Variants in BCL2L13 observed in about 807,000 individuals in gnomAD.
The protein encoded by BCL2L13 is BCL2 like 13.
A neutral mutation model predicts 25.8 loss-of-function variants in BCL2L13; 13 were observed. The ratio of observed to expected loss-of-function variants is 0.50; its 90% CI spans 0.33 to 0.80. The LOEUF (loss-of-function observed/expected upper bound fraction) is 0.80, where lower values mean the gene tolerates loss of function less well. BCL2L13 is among the 30% of genes least tolerant of loss of function. The pLI, the probability that BCL2L13 is intolerant of heterozygous loss-of-function variation, is 0.02. For missense variants in BCL2L13, 504 were observed against 574.9 expected (o/e 0.88, Z 1.26); for synonymous variants, 244 against 230.3 (o/e 1.06, Z -0.54).
At chr22:17,656,293 T>C (rs79653116) in intron 2 of BCL2L13, among the ~76,000 whole-genome samples, 3 of 149,838 alleles carry the variant, frequency 2.0e-5, no homozygotes, top group African/African-American at 7.3e-5. Context: ...ATTCTTTCCA[T>C]TTCCAGAAGC....
At chr22:17,646,405 C>T (rs745427324) in intron 1 of BCL2L13, among the ~76,000 whole-genome samples, 25 of 151,174 alleles carry the variant, frequency 1.7e-4, no homozygotes, top group Non-Finnish European at 3.1e-4. Context: ...CATGCCACCA[C>T]GCCAGGCTAA....
intron 6 of BCL2L13, among the ~76,000 whole-genome samples, chr22:17,713,501 G>A (rs192854041): frequency 2.9e-5 from 4 of 138,166 alleles, no homozygotes; most frequent in East Asian, 2.2e-4. Context: ...TCGCTCTGTC[G>A]CCCAGGCAGG....
chr22:17,686,515 T>TCC (rs1334431122), intron 3 of BCL2L13, among the ~76,000 whole-genome samples: 1 of 99,752 alleles, frequency 1.0e-5, no homozygotes, highest in African/African-American at 3.5e-5. Context: ...TTCTTTTTTT[T>TCC]TCTTTTTTTT....
At chr22:17,673,135 A>C (rs1025256860) in intron 2 of BCL2L13, among the ~76,000 whole-genome samples, 1 of 152,166 alleles carries the variant, frequency 6.6e-6, no homozygotes, top group African/African-American at 2.4e-5. Flanking sequence ...TAGACTTGAC[A>C]GCCTTTACAG....
chr22:17,691,998 A>T (rs927992118), intron 4 of BCL2L13, among the ~76,000 whole-genome samples: 1 of 152,220 alleles, frequency 6.6e-6, no homozygotes, highest in Non-Finnish European at 1.5e-5. Flanking sequence ...AGAAGTTTTA[A>T]GCTCTGTTAC....
intron 2 of BCL2L13, among the ~76,000 whole-genome samples, chr22:17,660,611 G>C (rs1236941816): frequency 6.9e-6 from 1 of 145,322 alleles, no homozygotes; most frequent in Admixed American, 6.9e-5. Flanking sequence ...TTTTCGTAGA[G>C]ATCAGGATTT....
rs199938014 is a variant in BCL2L13, at chr22:17,726,764, G to T, written c.688G>T (p.Asp230Tyr). The T allele has an allele frequency of 6.2e-7, 1 of 1,614,190 alleles. No homozygotes were observed. Reference sequence around the variant, plus strand: ...CAATGACATTTACATCCTGCCCAGCGACAACTCTGGACAAGTCAGTCCCCC... The same window carrying T: ...CAATGACATTTACATCCTGCCCAGCTACAACTCTGGACAAGTCAGTCCCCC... ...DSNDIYILPS[D>Y]NSGQVSPPES... Residue 230 changes from aspartate to tyrosine, a missense_variant, in exon 7 of 7, where the codon GAC becomes TAC. Physicochemically the swap from Asp to Tyr is radical, Grantham distance 160. Coordinates refer to ENST00000317582, the MANE Select transcript of BCL2L13 (RefSeq NM_015367.4).
intron 2 of BCL2L13, among the ~76,000 whole-genome samples, chr22:17,660,925 C>T (rs2059044329): frequency 6.9e-6 from 1 of 144,804 alleles, no homozygotes; most frequent in South Asian, 2.2e-4. Flanking sequence ...GCTGGGACTA[C>T]AGACGCATGC....
chr22:17,714,300 AAATTAGCCAGGTGT>A (rs2060850861), intron 6 of BCL2L13, among the ~76,000 whole-genome samples: 1 of 151,936 alleles, frequency 6.6e-6, no homozygotes, highest in Admixed American at 6.6e-5. Context: ...CTCAAAAAAA[AAATTAGCCAGGTGT>A]GATGGCGCAC....
At chr22:17,706,635 T>G in intron 6 of BCL2L13, 1 of 1,250,920 alleles carries the variant, frequency 8.0e-7, no homozygotes, top group Non-Finnish European at 1.0e-6. Flanking sequence ...TGATCACCAT[T>G]TCCTCTTAGT....
At chr22:17,635,313 G>A (rs1176429469), upstream of BCL2L13, among the ~76,000 whole-genome samples, 8 of 151,950 alleles carry the variant, frequency 5.3e-5, no homozygotes, top group Admixed American at 2.0e-4. Flanking sequence ...TCAGGCGGGC[G>A]GATCACAAGG....
upstream of BCL2L13, chr22:17,638,731 T>C (rs1264757705): frequency 1.6e-6 from 2 of 1,231,638 alleles, no homozygotes; most frequent in Non-Finnish European, 2.0e-6. Context: ...ACGCCGGCCG[T>C]GACGAAGGCA....
intron 5 of BCL2L13, among the ~76,000 whole-genome samples, chr22:17,697,100 C>T (rs2060287129): frequency 6.6e-6 from 1 of 151,502 alleles, no homozygotes; most frequent in Non-Finnish European, 1.5e-5. Context: ...TTTAGCTTTG[C>T]CATGGACTGG....
chr22:17,688,863 G>C, intron 3 of BCL2L13, 123 bp from the exon 4 acceptor site: 1 of 906,882 alleles, frequency 1.1e-6, no homozygotes. Flanking sequence ...TGCCTCCTGG[G>C]TTCAAGTGAT....
intron 1 of BCL2L13, among the ~76,000 whole-genome samples, chr22:17,651,380 TA>T (rs2058679805): frequency 1.3e-5 from 2 of 151,442 alleles, no homozygotes; most frequent in African/African-American, 4.9e-5. Context: ...TTTATTTATT[TA>T]TTTATTTATT....
intron 2 of BCL2L13, among the ~76,000 whole-genome samples, chr22:17,660,398 G>A (rs1295955399): frequency 6.9e-6 from 1 of 145,824 alleles, no homozygotes; most frequent in African/African-American, 2.4e-5. Context: ...TGATCAGATT[G>A]GTTTATTTCT....
intron 6 of BCL2L13, chr22:17,703,501 G>T (rs947712458): frequency 1.3e-5 from 2 of 152,078 alleles, no homozygotes; most frequent in Admixed American, 1.3e-4. Context: ...GCCTAGAAAT[G>T]GTTTTTAAGT....
At chr22:17,714,893 C>T (rs2060869764) in intron 6 of BCL2L13, among the ~76,000 whole-genome samples, 1 of 151,568 alleles carries the variant, frequency 6.6e-6, no homozygotes, top group Non-Finnish European at 1.5e-5. Flanking sequence ...GTGGCTCATG[C>T]CTATAATCCC....
At chr22:17,646,511 AGTGCTGGGATTACAGGCAT>A in intron 1 of BCL2L13, among the ~76,000 whole-genome samples, 1 of 151,096 alleles carries the variant, frequency 6.6e-6, no homozygotes, top group African/African-American at 2.5e-5. Context: ...ACCCTCCCAA[AGTGCTGGGATTACAGGCAT>A]GAGCCACTGC....
Sources: gnomAD v4.1 joint callset for allele counts (sites outside exome capture counted in the v4.1 genomes callset) on GRCh38, gnomAD v4.1.1 for gene constraint, MANE v1.5 for transcripts, NCBI Gene and HGNC (gene_info 2026-07-23, HGNC 2026-07-21) for gene names.